The following BRINP3 variants were observed in gnomAD, a reference collection of about 807,000 sequenced individuals.
BRINP3 encodes BMP/retinoic acid inducible neural specific 3.
A neutral mutation model predicts 71.0 loss-of-function variants in BRINP3; 19 were observed. The observed-to-expected ratio is 0.27, with a 90% CI of 0.19 to 0.39. The LOEUF (loss-of-function observed/expected upper bound fraction) is 0.39. Ranked by LOEUF, BRINP3 falls within the 10% of genes least tolerant of loss-of-function variation. BRINP3 has a pLI of 1.00. For synonymous variants in BRINP3, 380 were observed against 337.7 expected (o/e 1.13, Z -1.37); for missense variants, 959 against 940.8 (o/e 1.02, Z -0.25).
At chr1:190,402,643 T>C (rs1165295557) in intron 2 of BRINP3, among the ~76,000 whole-genome samples, 1 of 152,068 alleles carries the variant, frequency 6.6e-6, no homozygotes, top group Admixed American at 6.6e-5. Context: ...ATATATAGAG[T>C]TCAATGTTTT....
chr1:190,164,216 A>G (rs2102470913), intron 6 of BRINP3, among the ~76,000 whole-genome samples: 1 of 152,306 alleles, frequency 6.6e-6, no homozygotes, highest in East Asian at 1.9e-4. Flanking sequence ...ACCTCTATTC[A>G]GAACTGCTTT....
intron 4 of BRINP3, 90 bp from the exon 5 acceptor site, chr1:190,234,567 G>T: frequency 2.2e-6 from 2 of 900,412 alleles, no homozygotes; most frequent in Non-Finnish European, 3.5e-6. Context: ...AATATTATAC[G>T]TTTGACAGTA....
chr1:190,178,398 G>T (rs1652739507), intron 6 of BRINP3, among the ~76,000 whole-genome samples: 1 of 151,988 alleles, frequency 6.6e-6, no homozygotes, highest in Admixed American at 6.6e-5. Flanking sequence ...ATAAACATTT[G>T]CAGTTTAAAT....
At chr1:190,412,456 GTTTTT>G (rs1159554984) in intron 2 of BRINP3, among the ~76,000 whole-genome samples, 9 of 119,364 alleles carry the variant, frequency 7.5e-5, no homozygotes, top group Admixed American at 4.9e-4. Context: ...GTTTTGTTTT[GTTTTT>G]TTTTGTTTTT....
intron 7 of BRINP3, among the ~76,000 whole-genome samples, chr1:190,130,131 T>C (rs897534340): frequency 6.6e-6 from 1 of 152,042 alleles, no homozygotes; most frequent in African/African-American, 2.4e-5. Context: ...CTTATCTCTC[T>C]AGTTTGCAAG....
At chr1:190,470,970 T>C (rs920723071) in intron 1 of BRINP3, among the ~76,000 whole-genome samples, 9 of 151,372 alleles carry the variant, frequency 5.9e-5, no homozygotes, top group African/African-American at 1.9e-4. Flanking sequence ...ATGAATACTT[T>C]ATTTTAAACA....
chr1:190,189,050 A>G lies in BRINP3; in HGVS notation c.962-28160T>C, dbSNP rs185031675. Among the ~76,000 whole-genome samples the G allele has an allele frequency of 2.6e-4, 40 of 152,074 alleles. No individual in the cohort carries two copies. The South Asian group carries it at 3.1e-3, about 12-fold the overall frequency. Reference sequence around the variant, plus strand: ...GCTGGGATTACAGGCGTGAGCTGGTATCTTGTTGAGAATGTTTGCATCTGT... The same window carrying G: ...GCTGGGATTACAGGCGTGAGCTGGTGTCTTGTTGAGAATGTTTGCATCTGT... On this transcript the variant is annotated intron_variant, in intron 6 of 7. Coordinates refer to ENST00000367462, the MANE Select transcript of BRINP3 (RefSeq NM_199051.3).
intron 2 of BRINP3, among the ~76,000 whole-genome samples, chr1:190,453,203 ATTTT>A (rs1190785225): frequency 2.4e-3 from 100 of 40,876 alleles, no homozygotes; most frequent in Non-Finnish European, 3.1e-3. Flanking sequence ...AAACTTTAGT[ATTTT>A]TTTTTTTTTT....
chr1:190,162,232 C>T (rs1651061036), intron 6 of BRINP3, among the ~76,000 whole-genome samples: 1 of 147,050 alleles, frequency 6.8e-6, no homozygotes, highest in Admixed American at 6.8e-5. Context: ...TGCTCGTTAT[C>T]CAGGCTAGAG....
At chr1:190,278,337 G>C (rs1490763311) in intron 3 of BRINP3, among the ~76,000 whole-genome samples, 1 of 151,436 alleles carries the variant, frequency 6.6e-6, no homozygotes, top group Non-Finnish European at 1.5e-5. Flanking sequence ...AGAAAGAAGT[G>C]GAGGGATTAG....
At chr1:190,450,059 G>A (rs995579262) in intron 2 of BRINP3, among the ~76,000 whole-genome samples, 6 of 152,002 alleles carry the variant, frequency 3.9e-5, no homozygotes, top group African/African-American at 7.3e-5. Flanking sequence ...ATTACATGGG[G>A]CATCCTTATT....
chr1:190,395,911 C>T (rs112052013), intron 2 of BRINP3, among the ~76,000 whole-genome samples: 186 of 151,572 alleles, frequency 1.2e-3, no homozygotes, highest in Non-Finnish European at 2.2e-3. Flanking sequence ...CCTTCTAACA[C>T]CTTCACAGAT....
At chr1:190,358,542 G>A (rs1464558387) in intron 2 of BRINP3, among the ~76,000 whole-genome samples, 3 of 152,126 alleles carry the variant, frequency 2.0e-5, no homozygotes, top group South Asian at 2.1e-4. Context: ...GGAGAAATAG[G>A]AACACTTTTA....
At chr1:190,365,512 AATTAT>A (rs1043644979) in intron 2 of BRINP3, among the ~76,000 whole-genome samples, 16 of 148,462 alleles carry the variant, frequency 1.1e-4, no homozygotes, top group African/African-American at 2.5e-4. Flanking sequence ...TTAATATGAT[AATTAT>A]ATTATAATTA....
chr1:190,298,970 T>C (rs1658818881), intron 2 of BRINP3, among the ~76,000 whole-genome samples: 1 of 152,156 alleles, frequency 6.6e-6, no homozygotes, highest in Admixed American at 6.6e-5. Flanking sequence ...TTGCTTACAA[T>C]ATCCTGCAGC....
chr1:190,188,972 G>A (rs1240721078), intron 6 of BRINP3, among the ~76,000 whole-genome samples: 1 of 152,084 alleles, frequency 6.6e-6, no homozygotes, highest in Non-Finnish European at 1.5e-5. Flanking sequence ...TTATTGGCCA[G>A]ACTGGTCTCG....
At chr1:190,182,480 T>C (rs1653113646) in intron 6 of BRINP3, among the ~76,000 whole-genome samples, 1 of 152,176 alleles carries the variant, frequency 6.6e-6, no homozygotes, top group African/African-American at 2.4e-5. Flanking sequence ...GAGCTTATCC[T>C]TTGTTCTGTT....
chr1:190,158,156 C>T (rs758059552), intron 7 of BRINP3, among the ~76,000 whole-genome samples: 6 of 151,866 alleles, frequency 4.0e-5, no homozygotes, highest in Admixed American at 6.6e-5. Flanking sequence ...GCAGGTCTTT[C>T]CCATGCTGTT....
chr1:190,179,152 T>C (rs572032015), intron 6 of BRINP3, among the ~76,000 whole-genome samples: 6 of 152,284 alleles, frequency 3.9e-5, no homozygotes, highest in African/African-American at 1.4e-4. Flanking sequence ...GCAATTATAT[T>C]TCAAAGTTCT....
Sources: gnomAD v4.1 joint callset for allele counts (sites outside exome capture counted in the v4.1 genomes callset) on GRCh38, gnomAD v4.1.1 for gene constraint, MANE v1.5 for transcripts, NCBI Gene and HGNC (gene_info 2026-07-23, HGNC 2026-07-21) for gene names.